RIMS4: variants seen among roughly 807,000 people sequenced by gnomAD.
RIMS4 encodes the protein regulating synaptic membrane exocytosis protein 4.
Under a neutral mutation model 29.0 loss-of-function variants are expected in RIMS4, and 9 were observed. The observed-to-expected ratio is 0.31, with a 90% confidence interval of 0.19 to 0.54. The LOEUF is 0.54. Among genes scored for constraint, RIMS4 ranks in the 20% least tolerant of loss-of-function variants. The pLI is 0.94. For synonymous variants in RIMS4, 130 were observed against 152.9 expected, an observed-to-expected ratio of 0.85 and a Z score of 1.10; for missense variants, 193 against 365.7, an observed-to-expected ratio of 0.53 and a Z score of 3.85.
intron 2 of RIMS4, among the ~76,000 whole-genome samples, chr20:44,770,392 C>T (rs963704286): frequency 6.6e-6 from 1 of 152,002 alleles, no homozygotes; most frequent in African/African-American, 2.4e-5. Context: ...TCTGATAACC[C>T]CTACAGTTAT....
chr20:44,760,288 C>A (rs549696096), intron 2 of RIMS4, among the ~76,000 whole-genome samples: 4 of 152,176 alleles, frequency 2.6e-5, no homozygotes, highest in Admixed American at 6.5e-5. Flanking sequence ...CTTGCACTTA[C>A]TCTTCTTATT....
intron 1 of RIMS4, among the ~76,000 whole-genome samples, chr20:44,792,656 C>T (rs2066238233): frequency 6.6e-6 from 1 of 152,152 alleles, no homozygotes; most frequent in Non-Finnish European, 1.5e-5. Context: ...TTAGTTTCCT[C>T]ATCTGCACAA....
At chr20:44,774,304 G>T (rs1452504546) in intron 1 of RIMS4, among the ~76,000 whole-genome samples, 1 of 152,196 alleles carries the variant, frequency 6.6e-6, no homozygotes, top group African/African-American at 2.4e-5. Context: ...TGGATTGAAG[G>T]ATGCAAAGTA....
chr20:44,761,714 T>C (rs902651393), intron 2 of RIMS4, among the ~76,000 whole-genome samples: 6 of 152,218 alleles, frequency 3.9e-5, no homozygotes, highest in Admixed American at 1.3e-4. Flanking sequence ...AAATAACCAG[T>C]TTCCACTTGA....
chr20:44,771,188 A>G, intron 2 of RIMS4, 87 bp downstream of exon 2: 1 of 1,481,066 alleles, frequency 6.8e-7, no homozygotes, highest in Non-Finnish European at 9.1e-7. Context: ...GAGCTGCCCT[A>G]GGGCTCCCAG....
At chr20:44,795,883 C>G (rs1041958276) in intron 1 of RIMS4, among the ~76,000 whole-genome samples, 1 of 152,056 alleles carries the variant, frequency 6.6e-6, no homozygotes, top group Non-Finnish European at 1.5e-5. Flanking sequence ...CATGATATGC[C>G]CATTGTAGAA....
intron 1 of RIMS4, among the ~76,000 whole-genome samples, chr20:44,781,288 G>A (rs2066183456): frequency 6.6e-6 from 1 of 152,170 alleles, no homozygotes; most frequent in Admixed American, 6.5e-5. Flanking sequence ...AAGTAAAGGG[G>A]CAATTGTGCA....
intron 1 of RIMS4, among the ~76,000 whole-genome samples, chr20:44,801,601 A>C (rs1175250364): frequency 1.3e-5 from 2 of 152,240 alleles, no homozygotes; most frequent in African/African-American, 4.8e-5. Flanking sequence ...AAAAGGAGCT[A>C]GACCTGAATC....
intron 1 of RIMS4, among the ~76,000 whole-genome samples, chr20:44,779,205 C>CT (rs1205976412): frequency 6.6e-6 from 1 of 152,234 alleles, no homozygotes; most frequent in Admixed American, 6.5e-5. Flanking sequence ...TTAGCATTCT[C>CT]TTATCTTCTG....
intron 2 of RIMS4, among the ~76,000 whole-genome samples, chr20:44,763,737 G>C (rs2066096005): frequency 6.6e-6 from 1 of 152,148 alleles, no homozygotes; most frequent in Non-Finnish European, 1.5e-5. Flanking sequence ...GCTTGGTTTG[G>C]CCCCTGGATT....
At chr20:44,784,768 C>T (rs2066200625) in intron 1 of RIMS4, among the ~76,000 whole-genome samples, 1 of 152,214 alleles carries the variant, frequency 6.6e-6, no homozygotes, top group African/African-American at 2.4e-5. Flanking sequence ...AGAAGCTGGG[C>T]CCCACCTTGG....
intron 1 of RIMS4, among the ~76,000 whole-genome samples, chr20:44,791,492 C>T (rs145339681): frequency 0.012 from 1,866 of 152,332 alleles, 14 homozygotes; most frequent in Middle Eastern, 0.024. Flanking sequence ...TATGTGAAAT[C>T]CTAGCACGGC....
chr20:44,806,299 C>A (rs1307691780), intron 1 of RIMS4, among the ~76,000 whole-genome samples: 1 of 152,208 alleles, frequency 6.6e-6, no homozygotes, highest in African/African-American at 2.4e-5. Flanking sequence ...CCTTTGGCAT[C>A]TGTTGGAAAC....
Position 44,754,362 on chromosome 20 carries a change from A to C in RIMS4, c.*1772T>G, listed in dbSNP as rs537652316. Reference sequence around the variant, plus strand: ...GGTTTCCACAGGCTAAGGGAAGGGAAGAATTTCCGGGTGGAAGGAGTTGCC... The same window carrying C: ...GGTTTCCACAGGCTAAGGGAAGGGACGAATTTCCGGGTGGAAGGAGTTGCC... On this transcript the variant is annotated 3_prime_UTR_variant, in exon 6 of 6. Transcript: ENST00000372851. 6.4e-6 allele frequency: 1 copy of C among 156,658 alleles called. No homozygotes were observed. Among genetic ancestry groups the C allele is most frequent in the African/African-American group, 2.4e-5 (1 of 41,580 alleles). The allele number at this position is 156,658 out of a possible 1,614,324, so 9.7% of individuals were successfully genotyped here.
At chr20:44,784,206 T>C (rs908524293) in intron 1 of RIMS4, among the ~76,000 whole-genome samples, 2 of 152,152 alleles carry the variant, frequency 1.3e-5, no homozygotes, top group African/African-American at 4.8e-5. Flanking sequence ...CATGTGCACA[T>C]GTATCCCCAC....
chr20:44,781,325 G>C (rs2066183641), intron 1 of RIMS4, among the ~76,000 whole-genome samples: 1 of 152,156 alleles, frequency 6.6e-6, no homozygotes, highest in African/African-American at 2.4e-5. Flanking sequence ...ATAATGTAAG[G>C]GCAGAGATAT....
At chr20:44,800,491 T>G (rs1325908167) in intron 1 of RIMS4, among the ~76,000 whole-genome samples, 1 of 151,992 alleles carries the variant, frequency 6.6e-6, no homozygotes, top group Non-Finnish European at 1.5e-5. Context: ...GTGTTTAAAA[T>G]GTTGTAGCAT....
chr20:44,787,263 C>T (rs1044530595), intron 1 of RIMS4, among the ~76,000 whole-genome samples: 7 of 152,054 alleles, frequency 4.6e-5, no homozygotes, highest in Non-Finnish European at 1.0e-4. Flanking sequence ...AAAACTGACA[C>T]ACCTCACACC....
At chr20:44,784,420 C>T (rs1483412526) in intron 1 of RIMS4, among the ~76,000 whole-genome samples, 1 of 152,222 alleles carries the variant, frequency 6.6e-6, no homozygotes, top group Non-Finnish European at 1.5e-5. Context: ...TAGTTAAGAC[C>T]ACCTGAAACC....
Sources: allele counts gnomAD v4.1 joint callset (sites outside exome capture counted in the v4.1 genomes callset), GRCh38; gene constraint gnomAD v4.1.1; transcripts MANE v1.5; gene names NCBI Gene and HGNC (gene_info 2026-07-23, HGNC 2026-07-21).